Variants in ZP3 observed in about 807,000 individuals in gnomAD.
ZP3 encodes zona pellucida sperm-binding protein 3.
In ZP3, 21 loss-of-function variants were observed where a neutral mutation model predicts 35.6. The observed-to-expected ratio is 0.59, with a 90% CI of 0.42 to 0.85. ZP3 has a LOEUF of 0.85. Among genes scored for constraint, ZP3 ranks in the 40% least tolerant of loss-of-function variants. The pLI is 0.00. For synonymous variants in ZP3, 207 were observed against 214.5 expected, an observed-to-expected ratio of 0.96 and a Z score of 0.31; for missense variants, 437 against 536.5, an observed-to-expected ratio of 0.81 and a Z score of 1.83.
At chr7:76,428,883 T>C (rs1805750150) in intron 1 of ZP3, 1 of 152,418 alleles carries the variant, frequency 6.6e-6, no homozygotes, top group East Asian at 1.9e-4. Flanking sequence ...GGTTTCACCA[T>C]GTTGGTCAGG....
intron 1 of ZP3, among the ~76,000 whole-genome samples, chr7:76,405,339 C>CTTTCTTTTT (rs1271510975): frequency 4.7e-5 from 1 of 21,394 alleles, no homozygotes; most frequent in African/African-American, 2.1e-4. Flanking sequence ...TTCTTTCTTT[C>CTTTCTTTTT]TTTTTTTTTT....
chr7:76,418,585 A>G (rs1013139319), intron 1 of ZP3, among the ~76,000 whole-genome samples: 26 of 130,648 alleles, frequency 2.0e-4, no homozygotes, highest in East Asian at 2.0e-3. Context: ...GGCTGGGCAC[A>G]GTGGCTCACA....
chr7:76,398,620 A>T, intron 1 of ZP3: 1 of 1,344,994 alleles, frequency 7.4e-7, no homozygotes, highest in Non-Finnish European at 1.1e-6. Context: ...CTCTAACTTT[A>T]CATCTTCAAT....
chr7:76,397,599 G>C (rs1057288309), exon 1 of ZP3: 23 of 1,608,408 alleles, frequency 1.4e-5, no homozygotes, highest in Non-Finnish European at 1.8e-5. Context: ...GCCAGGCGGG[G>C]CTCGCCGCCT....
At chr7:76,433,179 A>G (rs1306109637) in intron 3 of ZP3, 149 bp downstream of exon 3, 3 of 207,020 alleles carry the variant, frequency 1.4e-5, no homozygotes, top group Non-Finnish European at 1.5e-5. Flanking sequence ...TTTTTGAGAC[A>G]GTCTTGATCT....
intron 1 of ZP3, among the ~76,000 whole-genome samples, chr7:76,406,142 C>T (rs1805021879): frequency 1.3e-5 from 2 of 152,062 alleles, no homozygotes; most frequent in African/African-American, 2.4e-5. Flanking sequence ...CCCGCCACCA[C>T]GCCCGGCTCA....
chr7:76,433,322 C>A, intron 3 of ZP3, 148 bp from the exon 4 acceptor site: 3 of 847,198 alleles, frequency 3.5e-6, no homozygotes, highest in Non-Finnish European at 5.4e-6. Context: ...ACCCAGCTAA[C>A]TTTTCTATTT....
At chr7:76,427,762 T>G (rs1307511394) in intron 1 of ZP3, among the ~76,000 whole-genome samples, 1 of 152,144 alleles carries the variant, frequency 6.6e-6, no homozygotes, top group African/African-American at 2.4e-5. Context: ...TTGGGCAACT[T>G]CGACCTCCTA....
At chr7:76,404,108 A>C (rs926314561) in intron 1 of ZP3, among the ~76,000 whole-genome samples, 2 of 151,986 alleles carry the variant, frequency 1.3e-5, no homozygotes, top group African/African-American at 4.8e-5. Context: ...GGGTGCGTTT[A>C]CCTGTCACCT....
At chr7:76,400,415 C>T (rs1374487263) in intron 1 of ZP3, 1 of 1,605,114 alleles carries the variant, frequency 6.2e-7, no homozygotes, top group African/African-American at 1.3e-5. Flanking sequence ...GGGCCTCGGC[C>T]TTGGCCAAAG....
At chr7:76,440,812 A>C (rs571243144) in intron 7 of ZP3, among the ~76,000 whole-genome samples, 1 of 96,850 alleles carries the variant, frequency 1.0e-5, no homozygotes, top group East Asian at 3.5e-4. Context: ...GCAGCCAGGG[A>C]GATCTGCTGT....
chr7:76,428,987 CTGA>C, intron 1 of ZP3: 1 of 158,598 alleles, frequency 6.3e-6, no homozygotes, highest in South Asian at 1.9e-4. Flanking sequence ...CAGCCAGAAG[CTGA>C]TAAGTGTTAA....
chr7:76,439,818 C>G (rs1434398912), intron 5 of ZP3: 3 of 188,254 alleles, frequency 1.6e-5, no homozygotes, highest in East Asian at 1.4e-4. Flanking sequence ...GTAAGTGAAC[C>G]TTTACACCAT....
chr7:76,436,029 C>CGTTTTTTT (rs1563703130), intron 5 of ZP3, among the ~76,000 whole-genome samples: 1 of 128,100 alleles, frequency 7.8e-6, no homozygotes. Flanking sequence ...CCCCCCGCCC[C>CGTTTTTTT]CTTTTTTTTT....
Position 76,436,030 on chromosome 7 carries a change from C to CTTT in ZP3, c.831+1918_831+1920dup, listed in dbSNP as rs60553917. ...TGAACCACCACGCGCCCCCCGCCCC[C>CTTT]TTTTTTTTTTTTTTTTTTTTTTTTT... is the stretch of plus-strand genomic sequence containing the variant. On this transcript the variant is annotated intron_variant, in intron 5 of 7. Coordinates refer to ENST00000394857, the MANE Select transcript of ZP3 (RefSeq NM_001110354.2). Among the ~76,000 whole-genome samples, 62 of 74,340 alleles carry CTTT rather than the reference C, an allele frequency of 8.3e-4. 5 individuals carry two copies. The highest frequency in any genetic ancestry group is 1.0e-3 in the Non-Finnish European group (40 of 38,934). The allele number at this position is 74,340 out of a possible 152,430, so 48.8% of individuals were successfully genotyped here.
chr7:76,408,259 T>A (rs1454999656), intron 1 of ZP3, among the ~76,000 whole-genome samples: 1 of 152,100 alleles, frequency 6.6e-6, no homozygotes, highest in African/African-American at 2.4e-5. Flanking sequence ...AAAGCCTATC[T>A]GGATGCAGAC....
At chr7:76,440,394 T>C in intron 6 of ZP3, 53 bp downstream of exon 6, 1 of 1,611,830 alleles carries the variant, frequency 6.2e-7, no homozygotes, top group African/African-American at 1.3e-5. Flanking sequence ...CGGCGACCCC[T>C]TGTCTATTTC....
At chr7:76,411,802 A>G (rs549678492) in intron 1 of ZP3, among the ~76,000 whole-genome samples, 2 of 152,218 alleles carry the variant, frequency 1.3e-5, no homozygotes, top group East Asian at 1.9e-4. Flanking sequence ...CTGGGCATTT[A>G]TCCAAGAGAA....
In ZP3 at chr7:76,402,182, A is replaced by ATT. The variant is rs57389874; in HGVS notation, c.-67+4402_-67+4403dup. Among the ~76,000 whole-genome samples the ATT allele has an allele frequency of 6.4e-4, 82 of 127,218 alleles. 1 individual carries two copies. The highest frequency in any genetic ancestry group is 1.7e-3 in the African/African-American group (60 of 34,410). The allele number at this position is 127,218 out of a possible 152,430, so 83.5% of individuals were successfully genotyped here. On this transcript the variant is annotated intron_variant, in intron 1 of 8. Transcript: ENST00000336517. The stretch of plus-strand genomic sequence containing the variant: ...CAAGCTCCTGCCACCCTGCCCAGCT[A>ATT]TTTTTTTTTTTTTTTTTTGAGACAG...
Sources: allele counts gnomAD v4.1 joint callset (sites outside exome capture counted in the v4.1 genomes callset), GRCh38; gene constraint gnomAD v4.1.1; transcripts MANE v1.5; gene names NCBI Gene and HGNC (gene_info 2026-07-23, HGNC 2026-07-21).